The following NKAIN2 variants were observed in gnomAD, a reference collection of about 807,000 sequenced individuals.
NKAIN2 encodes sodium/potassium-transporting ATPase subunit beta-1-interacting protein 2.
A neutral mutation model predicts 32.6 loss-of-function variants in NKAIN2; 14 were observed. The ratio of observed to expected loss-of-function variants is 0.43; its 90% confidence interval spans 0.28 to 0.67. The LOEUF (loss-of-function observed/expected upper bound fraction) is 0.67, where lower values mean the gene tolerates loss of function less well. Ranked by LOEUF, NKAIN2 falls within the 30% of genes least tolerant of loss-of-function variation. The probability of loss-of-function intolerance (pLI) is 0.17; values close to 1 mark genes in which losing one functional copy is unlikely to be tolerated. For synonymous variants in NKAIN2, 80 were observed against 87.2 expected, an observed-to-expected ratio of 0.92 and a Z score of 0.46; for missense variants, 198 against 258.3, an observed-to-expected ratio of 0.77 and a Z score of 1.60.
intron 3 of NKAIN2, among the ~76,000 whole-genome samples, chr6:124,578,344 C>A (rs1781405229): frequency 6.6e-6 from 1 of 151,700 alleles, no homozygotes; most frequent in Non-Finnish European, 1.5e-5. Flanking sequence ...ATCCTACTGT[C>A]CTGAAGGGAG....
intron 4 of NKAIN2, among the ~76,000 whole-genome samples, chr6:124,736,702 T>A (rs1294961077): frequency 6.6e-6 from 1 of 151,966 alleles, no homozygotes; most frequent in Non-Finnish European, 1.5e-5. Flanking sequence ...CAGCACAGTT[T>A]ACTGAATATT....
chr6:124,701,222 T>C (rs1774775341), intron 4 of NKAIN2, among the ~76,000 whole-genome samples: 1 of 151,610 alleles, frequency 6.6e-6, no homozygotes, highest in East Asian at 1.9e-4. Flanking sequence ...CTTTGGAATT[T>C]CATTTCTTTT....
chr6:124,688,375 A>C (rs1318172560), intron 4 of NKAIN2, among the ~76,000 whole-genome samples: 1 of 152,074 alleles, frequency 6.6e-6, no homozygotes, highest in African/African-American at 2.4e-5. Context: ...AGGTACAGAG[A>C]GTTCCCAAGT....
intron 4 of NKAIN2, among the ~76,000 whole-genome samples, chr6:124,780,419 C>T (rs1056794133): frequency 7.2e-5 from 11 of 152,108 alleles, no homozygotes; most frequent in African/African-American, 2.7e-4. Flanking sequence ...GAGGAGTAGC[C>T]TTGAAGTAGC....
intron 1 of NKAIN2, among the ~76,000 whole-genome samples, chr6:124,146,623 C>T (rs1787419975): frequency 6.6e-6 from 1 of 152,158 alleles, no homozygotes; most frequent in South Asian, 2.1e-4. Context: ...AATCAGTTCA[C>T]ATTAGCATGA....
At chr6:124,354,749 A>G (rs181591083) in intron 2 of NKAIN2, among the ~76,000 whole-genome samples, 2 of 152,206 alleles carry the variant, frequency 1.3e-5, no homozygotes, top group African/African-American at 4.8e-5. Flanking sequence ...TCACTTTTAA[A>G]ACAATAATGT....
chr6:123,881,447 T>C (rs1219682586), intron 1 of NKAIN2, among the ~76,000 whole-genome samples: 1 of 152,198 alleles, frequency 6.6e-6, no homozygotes, highest in African/African-American at 2.4e-5. Flanking sequence ...CAATACAGTA[T>C]GTTAAATGAA....
At chr6:124,695,598 G>T (rs1366785240) in intron 4 of NKAIN2, among the ~76,000 whole-genome samples, 1 of 152,142 alleles carries the variant, frequency 6.6e-6, no homozygotes, top group Admixed American at 6.5e-5. Flanking sequence ...ATTTTAAAAC[G>T]AGAGTTCTGG....
intron 4 of NKAIN2, among the ~76,000 whole-genome samples, chr6:124,659,413 A>G (rs1200653052): frequency 1.3e-5 from 2 of 151,894 alleles, no homozygotes; most frequent in African/African-American, 2.4e-5. Flanking sequence ...TTCTTCTGGA[A>G]TTAAAAAAAA....
At chr6:123,975,047 G>C (rs926462125) in intron 1 of NKAIN2, among the ~76,000 whole-genome samples, 3 of 152,140 alleles carry the variant, frequency 2.0e-5, no homozygotes, top group Non-Finnish European at 4.4e-5. Context: ...AAGGGGAAGG[G>C]AGAGTAAAAC....
At position 124,397,609 on chromosome 6, in the gene NKAIN2, T is replaced by C. The variant is rs1347344825; in HGVS notation, c.273+42262T>C. Among the ~76,000 whole-genome samples, 8 of 151,858 alleles carry C rather than the reference T, an allele frequency of 5.3e-5. No homozygotes were observed. In the East Asian group the frequency reaches 1.6e-3, roughly 30 times the overall value. On this transcript the variant is annotated intron_variant, in intron 3 of 6. Transcript: ENST00000368417. ...TTTCAACCAATATGTTATGCAATAC[T>C]AGAGTGGGCGTTGAAATGTGGAAAA...
At chr6:124,121,595 G>A (rs900906160) in intron 1 of NKAIN2, among the ~76,000 whole-genome samples, 46 of 152,058 alleles carry the variant, frequency 3.0e-4, no homozygotes, top group African/African-American at 9.4e-4. Context: ...GGAACTATCA[G>A]AATTGAAATG....
intron 1 of NKAIN2, among the ~76,000 whole-genome samples, chr6:124,166,616 G>A (rs1196481452): frequency 7.4e-4 from 112 of 151,862 alleles, no homozygotes; most frequent in Admixed American, 1.9e-3. Flanking sequence ...GAATGGTAAT[G>A]CCTAGGTTTT....
chr6:124,382,700 C>G (rs1471877253), intron 3 of NKAIN2, among the ~76,000 whole-genome samples: 1 of 152,132 alleles, frequency 6.6e-6, no homozygotes, highest in African/African-American at 2.4e-5. Context: ...GGGAACAAAA[C>G]ATGCTATATA....
intron 1 of NKAIN2, among the ~76,000 whole-genome samples, chr6:123,932,165 T>G (rs1319022289): frequency 6.6e-6 from 1 of 152,136 alleles, no homozygotes; most frequent in Non-Finnish European, 1.5e-5. Context: ...TTCCCCCGGC[T>G]TCCTAAGCTT....
chr6:124,651,192 C>T (rs1176881257), intron 3 of NKAIN2, among the ~76,000 whole-genome samples: 1 of 152,168 alleles, frequency 6.6e-6, no homozygotes, highest in Non-Finnish European at 1.5e-5. Flanking sequence ...AGTTAAGCCG[C>T]CAAGGCTTTA....
chr6:124,091,573 G>A (rs532645533), intron 1 of NKAIN2, among the ~76,000 whole-genome samples: 13 of 152,096 alleles, frequency 8.5e-5, no homozygotes, highest in African/African-American at 2.9e-4. Flanking sequence ...TTGGCTGAAT[G>A]TGTGGAATAA....
intron 3 of NKAIN2, among the ~76,000 whole-genome samples, chr6:124,545,586 C>A (rs955445021): frequency 6.6e-6 from 1 of 151,648 alleles, no homozygotes; most frequent in Non-Finnish European, 1.5e-5. Context: ...GTATCTTTTT[C>A]TCCATTTTCC....
intron 1 of NKAIN2, among the ~76,000 whole-genome samples, chr6:123,856,018 A>G (rs1775542127): frequency 6.6e-6 from 1 of 152,232 alleles, no homozygotes; most frequent in South Asian, 2.1e-4. Flanking sequence ...CAAATTATCC[A>G]TAGTTTAAAA....
Sources: allele counts gnomAD v4.1 joint callset (sites outside exome capture counted in the v4.1 genomes callset), GRCh38; gene constraint gnomAD v4.1.1; transcripts MANE v1.5; gene names NCBI Gene and HGNC (gene_info 2026-07-23, HGNC 2026-07-21).